CD44: variants seen among roughly 807,000 people sequenced by gnomAD.
The protein encoded by CD44 is CD44 molecule (IN blood group).
A neutral mutation model predicts 88.8 loss-of-function variants in CD44; 49 were observed. The ratio of observed to expected loss-of-function variants is 0.55; its 90% confidence interval spans 0.44 to 0.70. The LOEUF is 0.70. Among genes scored for constraint, CD44 ranks in the 30% least tolerant of loss-of-function variants. CD44 has a pLI of 0.00. For missense variants in CD44, 883 were observed against 913.8 expected, an observed-to-expected ratio of 0.97 and a Z score of 0.43; for synonymous variants, 325 against 312.3, an observed-to-expected ratio of 1.04 and a Z score of -0.43.
chr11:35,207,370 T>C (rs1343086440), intron 11 of CD44, among the ~76,000 whole-genome samples: 1 of 152,202 alleles, frequency 6.6e-6, no homozygotes, highest in Non-Finnish European at 1.5e-5. Flanking sequence ...GAAATATCGA[T>C]GGGGTTTATG....
At chr11:35,197,887 C>T in intron 6 of CD44, 1 of 470,992 alleles carries the variant, frequency 2.1e-6, no homozygotes, top group South Asian at 4.3e-5. Context: ...CACACTTATT[C>T]TTTCAGCTTT....
At chr11:35,200,032 C>T (rs1001561431) in intron 7 of CD44, among the ~76,000 whole-genome samples, 1 of 147,022 alleles carries the variant, frequency 6.8e-6, no homozygotes, top group Non-Finnish European at 1.5e-5. Flanking sequence ...TGCTTAGCAC[C>T]TATGGACATA....
intron 2 of CD44, among the ~76,000 whole-genome samples, chr11:35,177,954 G>T (rs528132316): frequency 1.3e-5 from 2 of 152,292 alleles, no homozygotes; most frequent in South Asian, 2.1e-4. Context: ...ATTGCAGAAA[G>T]TTCTATTGAG....
intron 10 of CD44, chr11:35,205,045 A>G (rs945971909): frequency 1.2e-5 from 2 of 160,326 alleles, no homozygotes; most frequent in African/African-American, 4.8e-5. Flanking sequence ...GCATTTTGTC[A>G]GAACTCCAGT....
rs556272018 is a variant in CD44 at position 35,181,883 on chromosome 11, AT to A, written c.367+1478del. On this transcript the variant is annotated intron_variant, in intron 3 of 17. Transcript: ENST00000428726. ...AATTTATATATATATATTATATATAATTCTATATATAATATAATATATAATA... is the reference window on the plus strand; with the variant it reads ...AATTTATATATATATATTATATATAATCTATATATAATATAATATATAATA... Among the ~76,000 whole-genome samples the A allele has an allele frequency of 6.5e-3, 383 of 58,494 alleles. 11 individuals are homozygous for A. Among genetic ancestry groups the A allele is most frequent in the African/African-American group, 0.034 (365 of 10,580 alleles). 38.4% of individuals were successfully genotyped at this position (58,494 alleles called of 152,430 possible). A position where few individuals can be genotyped will look rare whatever the true frequency, so the allele number is the denominator to read the frequency against.
rs148812965 is a variant in CD44 at position 35,144,308 on chromosome 11, C to T, written c.67+4938C>T. The stretch of plus-strand genomic sequence containing the variant: ...GAGCCTGAAAGGGAAGTGGTTCTTG[C>T]GAAAGAATGAGCTGAAGCAGGTGGC... On this transcript the variant is annotated intron_variant, in intron 1 of 17. Transcript: ENST00000428726. Among the ~76,000 whole-genome samples, 530 of 152,266 alleles carry T rather than the reference C, an allele frequency of 3.5e-3. 2 individuals are homozygous for T. The highest frequency in any genetic ancestry group is 4.6e-3 in the South Asian group (22 of 4,830).
intron 17 of CD44, among the ~76,000 whole-genome samples, chr11:35,225,229 C>G (rs574878394): frequency 6.9e-6 from 1 of 145,332 alleles, no homozygotes; most frequent in Admixed American, 7.2e-5. Context: ...AGCTCTAAAA[C>G]AGTGCAAAAT....
At position 35,229,347 on chromosome 11, in the gene CD44, A is replaced by G. The variant is rs1215905532; in HGVS notation, c.*14A>G. 6.4e-7 allele frequency: 1 copy of G among 1,558,046 alleles called. No individual in the cohort carries two copies. On this transcript the variant is annotated 3_prime_UTR_variant, in exon 18 of 18. Coordinates refer to ENST00000428726, the MANE Select transcript of CD44 (RefSeq NM_000610.4). Reference sequence around the variant, plus strand: ...ATTGGGGTGTAACACCTACACCATTATCTTGGAAAGAAACAACCGTTGGAA... The same window carrying G: ...ATTGGGGTGTAACACCTACACCATTGTCTTGGAAAGAAACAACCGTTGGAA...
intron 2 of CD44, among the ~76,000 whole-genome samples, chr11:35,180,039 A>G (rs923893356): frequency 1.3e-5 from 2 of 152,046 alleles, no homozygotes; most frequent in Non-Finnish European, 2.9e-5. Flanking sequence ...ATTTTTTTTT[A>G]AAGCTCTTTA....
intron 1 of CD44, chr11:35,139,620 C>G (rs983186092): frequency 4.1e-6 from 3 of 739,408 alleles, no homozygotes; most frequent in African/African-American, 3.4e-5. Context: ...TGCCGGCGCG[C>G]AGTTTTGGGC....
intron 16 of CD44, among the ~76,000 whole-genome samples, chr11:35,219,798 C>T (rs1207173232): frequency 1.3e-5 from 2 of 152,106 alleles, no homozygotes; most frequent in Non-Finnish European, 2.9e-5. Flanking sequence ...CGATTACAGA[C>T]AGGGAGGAGC....
chr11:35,147,766 G>A (rs1326775897), intron 1 of CD44, among the ~76,000 whole-genome samples: 1 of 152,120 alleles, frequency 6.6e-6, no homozygotes, highest in Non-Finnish European at 1.5e-5. Flanking sequence ...AAGCCCCTTT[G>A]CAAGTGTTCA....
rs184568099 is a variant in CD44 at position 35,176,253 on chromosome 11, A to G, written c.68-322A>G. On this transcript the variant is annotated intron_variant, in intron 1 of 17. Transcript: ENST00000428726. Reference sequence around the variant, plus strand: ...GAGACGGGGTTTCACCGTGTTAGCCAGGATGGTCTCGATCTCCTGACCTTG... The same window carrying G: ...GAGACGGGGTTTCACCGTGTTAGCCGGGATGGTCTCGATCTCCTGACCTTG... 5.8e-3 allele frequency among the ~76,000 whole-genome samples: 880 copies of G among 152,176 alleles called. 8 individuals are homozygous for G. Among genetic ancestry groups the G allele is most frequent in the African/African-American group, 0.02 (842 of 41,518 alleles).
intron 1 of CD44, among the ~76,000 whole-genome samples, chr11:35,150,374 G>A (rs1169253937): frequency 2.6e-5 from 4 of 152,154 alleles, no homozygotes; most frequent in African/African-American, 7.2e-5. Context: ...GAGAGATGGT[G>A]AATTTCTGCT....
intron 1 of CD44, among the ~76,000 whole-genome samples, chr11:35,145,402 T>A (rs1858922664): frequency 6.6e-6 from 1 of 152,158 alleles, no homozygotes; most frequent in South Asian, 2.1e-4. Context: ...GCTGTGTTGC[T>A]CAGGACAGGG....
rs549603353 is a variant in CD44, at chr11:35,143,756, G to T, written c.67+4386G>T. 1.9e-4 allele frequency among the ~76,000 whole-genome samples: 26 copies of T among 136,932 alleles called. No individual in the cohort carries two copies. The South Asian group carries it at 5.5e-3, about 29-fold the overall frequency. The allele number at this position is 136,932 out of a possible 152,430, so 89.8% of individuals were successfully genotyped here. On this transcript the variant is annotated intron_variant, in intron 1 of 17. Coordinates refer to ENST00000428726, the MANE Select transcript of CD44 (RefSeq NM_000610.4). ...CTGTCTCTCCCCAGGTTTGGCCACA[G>T]ATATCAGAGATGCCAACCAAGTTAT... is the stretch of plus-strand genomic sequence containing the variant.
chr11:35,218,572 C>T (rs1457916450), intron 15 of CD44, among the ~76,000 whole-genome samples: 2 of 152,214 alleles, frequency 1.3e-5, no homozygotes, highest in Non-Finnish European at 2.9e-5. Flanking sequence ...TGTGATCCGC[C>T]TGCTTCAGCC....
chr11:35,155,740 A>T (rs2133239149), intron 1 of CD44, among the ~76,000 whole-genome samples: 1 of 152,286 alleles, frequency 6.6e-6, no homozygotes, highest in East Asian at 1.9e-4. Flanking sequence ...GCTGCTCTAG[A>T]GTCATCCATT....
intron 3 of CD44, among the ~76,000 whole-genome samples, chr11:35,181,677 T>A (rs931948268): frequency 1.5e-5 from 2 of 129,902 alleles, no homozygotes; most frequent in Non-Finnish European, 3.2e-5. Flanking sequence ...TACATATATA[T>A]ATATTTATAT....
Sources: allele counts gnomAD v4.1 joint callset (sites outside exome capture counted in the v4.1 genomes callset), GRCh38; gene constraint gnomAD v4.1.1; transcripts MANE v1.5; gene names NCBI Gene and HGNC (gene_info 2026-07-23, HGNC 2026-07-21).